MAF: variants seen among roughly 807,000 people sequenced by gnomAD.
MAF encodes MAF bZIP transcription factor, also known as transcription factor Maf.
In MAF, 10 loss-of-function variants were observed where a neutral mutation model predicts 22.0. The observed-to-expected ratio is 0.45, with a 90% CI of 0.28 to 0.77. The LOEUF (loss-of-function observed/expected upper bound fraction) is 0.77, where lower values mean the gene tolerates loss of function less well. Among genes scored for constraint, MAF ranks in the 30% least tolerant of loss-of-function variants. The pLI is 0.12. For synonymous variants in MAF, 337 were observed against 255.8 expected (o/e 1.32, Z -3.03); for missense variants, 544 against 548.4 (o/e 0.99, Z 0.08).
At chr16:79,570,665 C>T in the MAF span, among the ~76,000 whole-genome samples, 3 of 152,314 alleles carry the variant, frequency 2.0e-5, no homozygotes, top group Admixed American at 2.0e-4. Flanking sequence ...GAAACGGGCT[C>T]TGATTTTACA....
the MAF span, among the ~76,000 whole-genome samples, chr16:79,319,619 C>A: frequency 1.3e-5 from 2 of 152,162 alleles, 1 homozygote; most frequent in East Asian, 3.9e-4. Context: ...GGATTCTTGG[C>A]ATTTCTCTGA....
At chr16:79,219,261 G>C in the MAF span, among the ~76,000 whole-genome samples, 1 of 152,116 alleles carries the variant, frequency 6.6e-6, no homozygotes, top group Non-Finnish European at 1.5e-5. Flanking sequence ...CTTTGGAATT[G>C]TGACAATGTC....
the MAF span, among the ~76,000 whole-genome samples, chr16:79,288,171 G>A: frequency 1.3e-5 from 2 of 152,162 alleles, no homozygotes; most frequent in Non-Finnish European, 2.9e-5. Flanking sequence ...TGACAGTGAT[G>A]GATTAATGAT....
the MAF span, among the ~76,000 whole-genome samples, chr16:79,277,201 G>T: frequency 1.3e-5 from 2 of 152,012 alleles, no homozygotes; most frequent in East Asian, 3.9e-4. Context: ...TTGAATCTAG[G>T]ACACGTGCAG....
the MAF span, among the ~76,000 whole-genome samples, chr16:79,399,537 C>T: frequency 6.6e-6 from 1 of 152,106 alleles, no homozygotes; most frequent in Admixed American, 6.6e-5. Context: ...AAACTGACAC[C>T]AATTCCTTGG....
the MAF span, among the ~76,000 whole-genome samples, chr16:79,534,284 T>A: frequency 1.3e-5 from 2 of 152,222 alleles, no homozygotes; most frequent in African/African-American, 4.8e-5. Flanking sequence ...TCACGCACAC[T>A]CTTGGTTCTT....
chr16:79,520,977 G>C, the MAF span, among the ~76,000 whole-genome samples: 1 of 152,212 alleles, frequency 6.6e-6, no homozygotes, highest in Non-Finnish European at 1.5e-5. Flanking sequence ...GGCTCAGAGA[G>C]TTCAAGTAAC....
chr16:79,209,981 G>A, the MAF span, among the ~76,000 whole-genome samples: 1 of 152,210 alleles, frequency 6.6e-6, no homozygotes, highest in Non-Finnish European at 1.5e-5. Flanking sequence ...TTTGGAGTGG[G>A]CATGATAATG....
At chr16:79,531,991 G>C in the MAF span, among the ~76,000 whole-genome samples, 1 of 152,064 alleles carries the variant, frequency 6.6e-6, no homozygotes, top group African/African-American at 2.4e-5. Context: ...CCCAGCATAG[G>C]GTTGCCAGAA....
At chr16:79,452,182 G>A in the MAF span, among the ~76,000 whole-genome samples, 3 of 152,152 alleles carry the variant, frequency 2.0e-5, no homozygotes, top group Non-Finnish European at 4.4e-5. Context: ...GTCCTTTACA[G>A]AAAAGAAATT....
At chr16:79,282,222 G>A in the MAF span, among the ~76,000 whole-genome samples, 5 of 152,200 alleles carry the variant, frequency 3.3e-5, no homozygotes, top group Non-Finnish European at 4.4e-5. Flanking sequence ...GGGGACACCC[G>A]TGGTTTCAAA....
downstream of MAF, among the ~76,000 whole-genome samples, chr16:79,581,641 G>A (rs1356970393): frequency 1.3e-5 from 2 of 151,868 alleles, no homozygotes; most frequent in Non-Finnish European, 2.9e-5. Flanking sequence ...TAGACTGAGA[G>A]GACTAAAAAG....
the MAF span, among the ~76,000 whole-genome samples, chr16:79,333,123 G>A: frequency 6.6e-6 from 1 of 152,120 alleles, no homozygotes; most frequent in Non-Finnish European, 1.5e-5. Context: ...GGAGATGGTG[G>A]TCCTGGCTCT....
the MAF span, among the ~76,000 whole-genome samples, chr16:79,273,393 T>C: frequency 2.0e-5 from 3 of 152,238 alleles, no homozygotes; most frequent in African/African-American, 7.2e-5. Context: ...TTTATCCTGA[T>C]GAGTGAAACG....
chr16:79,390,501 A>C, the MAF span, among the ~76,000 whole-genome samples: 2 of 152,230 alleles, frequency 1.3e-5, no homozygotes, highest in Non-Finnish European at 2.9e-5. Context: ...TGCACAGAGC[A>C]AGCTTTAAGC....
the MAF span, among the ~76,000 whole-genome samples, chr16:79,441,901 G>A: frequency 6.6e-6 from 1 of 152,166 alleles, no homozygotes; most frequent in East Asian, 1.9e-4. Context: ...ATCCGATGAC[G>A]AGGATCTTTG....
the MAF span, among the ~76,000 whole-genome samples, chr16:79,381,868 A>C: frequency 3.3e-5 from 5 of 152,214 alleles, no homozygotes; most frequent in East Asian, 7.7e-4. Context: ...TCTTGAACTC[A>C]ACCTGCGCCT....
the MAF span, among the ~76,000 whole-genome samples, chr16:79,353,901 C>T: frequency 1.3e-5 from 2 of 152,140 alleles, no homozygotes; most frequent in Non-Finnish European, 2.9e-5. Flanking sequence ...GACCCACAAA[C>T]CTTTCTGGGG....
the MAF span, among the ~76,000 whole-genome samples, chr16:79,455,547 C>G: frequency 1.3e-5 from 2 of 152,172 alleles, no homozygotes; most frequent in Non-Finnish European, 2.9e-5. Context: ...CAACATACCT[C>G]AAGAAGACAT....
Sources: allele counts gnomAD v4.1 joint callset (sites outside exome capture counted in the v4.1 genomes callset), GRCh38; gene constraint gnomAD v4.1.1; transcripts MANE v1.5; gene names NCBI Gene and HGNC (gene_info 2026-07-23, HGNC 2026-07-21).